CDC42BPB: variants seen among roughly 807,000 people sequenced by gnomAD.
CDC42BPB encodes the protein CDC42 binding protein kinase beta.
Under a neutral mutation model 214.9 loss-of-function variants are expected in CDC42BPB, and 37 were observed. The ratio of observed to expected loss-of-function variants is 0.17; its 90% CI spans 0.13 to 0.23. The LOEUF (loss-of-function observed/expected upper bound fraction) is 0.23, where lower values mean the gene tolerates loss of function less well. Ranked by LOEUF, CDC42BPB falls within the 10% of genes least tolerant of loss-of-function variation. The pLI is 1.00. For missense variants in CDC42BPB, 1,694 were observed against 2,227.0 expected (o/e 0.76, Z 4.82); for synonymous variants, 931 against 884.0 (o/e 1.05, Z -0.94).
intron 32 of CDC42BPB, 21 bp from the exon 33 acceptor site, chr14:102,939,968 G>T: frequency 1.9e-6 from 3 of 1,613,798 alleles, no homozygotes; most frequent in South Asian, 2.2e-5. Context: ...AGAGCGCGCG[G>T]TGACGGTGCT....
chr14:102,992,110 G>T (rs1039880546), intron 5 of CDC42BPB, among the ~76,000 whole-genome samples: 3 of 152,156 alleles, frequency 2.0e-5, no homozygotes, highest in African/African-American at 7.2e-5. Flanking sequence ...CTGTGGGGGG[G>T]ATGAGGGGTG....
intron 4 of CDC42BPB, among the ~76,000 whole-genome samples, chr14:103,000,346 C>T (rs989258148): frequency 2.0e-5 from 3 of 152,210 alleles, no homozygotes; most frequent in Non-Finnish European, 2.9e-5. Context: ...TGGGAGTGGG[C>T]GACCCCGAGG....
In CDC42BPB at chr14:102,949,849, C is replaced by T; in HGVS notation, c.3365G>A (p.Cys1122Tyr). The T allele has an allele frequency of 6.2e-7, 1 of 1,613,670 alleles. No homozygotes were observed. Residue 1122 changes from cysteine to tyrosine, a missense_variant, in exon 26 of 37, where the codon TGT (cysteine) becomes TAT (tyrosine). Around this residue, in one of 7 missense-constraint regions of CDC42BPB, gnomAD observed 567 missense variants for 790.3 expected, o/e 0.72. Transcript: ENST00000361246. ...ATCATACAGGAAGAGCTTGCAGTCA[C>T]AGACGACTGCATATGCGCGCTGCCA... Reference protein sequence around the residue: ...KGWQRAYAVVCDCKLFLYDLP... With the variant: ...KGWQRAYAVVYDCKLFLYDLP...
rs1018188084 is a variant in CDC42BPB at position 103,024,991 on chromosome 14, G to C, written c.176-12803C>G. On this transcript the variant is annotated intron_variant, in intron 1 of 36. Transcript: ENST00000361246. The stretch of plus-strand genomic sequence containing the variant: ...AAAATTAACTCCACTCATTTTTCTT[G>C]TTGCTCTTAACTTAATCTAGTAGAC... Among the ~76,000 whole-genome samples the C allele has an allele frequency of 3.3e-5, 5 of 152,030 alleles. No homozygotes were observed. In the East Asian group the frequency reaches 9.6e-4, roughly 29 times the overall value.
At chr14:103,054,143 C>T (rs1888809249) in intron 1 of CDC42BPB, among the ~76,000 whole-genome samples, 1 of 152,176 alleles carries the variant, frequency 6.6e-6, no homozygotes, top group African/African-American at 2.4e-5. Flanking sequence ...GGATTACAGG[C>T]ATGAGCCACT....
chr14:103,008,390 C>T, intron 3 of CDC42BPB, 82 bp downstream of exon 3: 1 of 916,156 alleles, frequency 1.1e-6, no homozygotes, highest in Non-Finnish European at 1.8e-6. Flanking sequence ...GGGGTGGCTG[C>T]AGCTTTTCCC....
intron 34 of CDC42BPB, 126 bp downstream of exon 34, chr14:102,939,484 G>A (rs558066731): frequency 2.3e-5 from 16 of 695,796 alleles, no homozygotes; most frequent in South Asian, 1.5e-4. Context: ...TGACAGGAGC[G>A]CCAGGTCAGA....
chr14:102,967,567 C>G (rs1566865789), intron 16 of CDC42BPB, among the ~76,000 whole-genome samples: 2 of 152,242 alleles, frequency 1.3e-5, no homozygotes, highest in African/African-American at 4.8e-5. Context: ...GACGGTGCGG[C>G]TGCCGCACAC....
At chr14:102,966,515 G>C (rs1416692770) in intron 17 of CDC42BPB, 128 bp from the exon 18 acceptor site, 4 of 1,478,272 alleles carry the variant, frequency 2.7e-6, no homozygotes, top group Admixed American at 2.2e-5. Context: ...AGTGCCCGCA[G>C]TGTACCCGTT....
At chr14:102,991,174 TCAC>T (rs963938336) in intron 5 of CDC42BPB, among the ~76,000 whole-genome samples, 21 of 152,234 alleles carry the variant, frequency 1.4e-4, no homozygotes, top group African/African-American at 5.1e-4. Context: ...GATGGGTTTA[TCAC>T]CACCAAGGGG....
At position 102,943,015 on chromosome 14, in the gene CDC42BPB, C is replaced by T. The variant is rs1484445125; in HGVS notation, c.4408+876G>A. Reference sequence around the variant, plus strand: ...TCCTGAGTAGCTGGGACTACAGGCGCCCGCCACCACGCCCGGCTAATTTTT... The same window carrying T: ...TCCTGAGTAGCTGGGACTACAGGCGTCCGCCACCACGCCCGGCTAATTTTT... On this transcript the variant is annotated intron_variant, in intron 30 of 36. Coordinates refer to ENST00000361246, the MANE Select transcript of CDC42BPB (RefSeq NM_006035.4). The surrounding 1 kb of genome is among the most constrained non-coding windows in gnomAD (Gnocchi z 4.6). 1.3e-5 allele frequency among the ~76,000 whole-genome samples: 2 copies of T among 152,136 alleles called. No homozygotes were observed. Among genetic ancestry groups the T allele is most frequent in the Non-Finnish European group, 2.9e-5 (2 of 68,022 alleles).
Position 103,004,136 on chromosome 14 carries a change from C to T in CDC42BPB, c.352-113G>A. ...GTGGCTCCAGCCACGGTGTCCCTGC[C>T]TTCCGGGCTCCTCCTCGTGCACCAC... On this transcript the variant is annotated intron_variant, in intron 3 of 36. Transcript: ENST00000361246. This position sits in a 1 kb window ranked among gnomAD's most constrained non-coding sequence, Gnocchi z 5.3. 7.1e-7 allele frequency: 1 copy of T among 1,409,936 alleles called. No individual in the cohort carries two copies. The highest frequency in any genetic ancestry group is 9.3e-7 in the Non-Finnish European group (1 of 1,076,988). 87.3% of individuals were successfully genotyped at this position (1,409,936 alleles called of 1,614,324 possible).
chr14:103,039,924 A>C (rs1394470148), intron 1 of CDC42BPB, among the ~76,000 whole-genome samples: 2 of 152,226 alleles, frequency 1.3e-5, no homozygotes, highest in Non-Finnish European at 2.9e-5. Context: ...AAACTAATTA[A>C]AAAGTTCAGC....
intron 30 of CDC42BPB, among the ~76,000 whole-genome samples, chr14:102,941,972 G>A (rs1024194295): frequency 2.0e-5 from 3 of 152,240 alleles, no homozygotes; most frequent in Admixed American, 1.3e-4. Context: ...CCACCAAGGC[G>A]GAGAACCGAG....
chr14:103,053,277 G>A (rs367775122), intron 1 of CDC42BPB, among the ~76,000 whole-genome samples: 4 of 152,022 alleles, frequency 2.6e-5, no homozygotes, highest in African/African-American at 9.7e-5. Flanking sequence ...AACCCGGGAG[G>A]CGGAGGTTGC....
At chr14:103,027,691 T>C (rs1369566331) in intron 1 of CDC42BPB, among the ~76,000 whole-genome samples, 2 of 152,148 alleles carry the variant, frequency 1.3e-5, no homozygotes, top group African/African-American at 4.8e-5. Flanking sequence ...AAAAAGTATA[T>C]TAGTGGTTGC....
At chr14:102,957,050 A>T (rs951588814) in intron 21 of CDC42BPB, among the ~76,000 whole-genome samples, 2 of 144,890 alleles carry the variant, frequency 1.4e-5, no homozygotes, top group African/African-American at 2.7e-5. Flanking sequence ...AAAAAAAAAA[A>T]ATTAGCCGGG....
At chr14:102,992,213 C>T (rs184606035) in intron 5 of CDC42BPB, among the ~76,000 whole-genome samples, 1 of 152,310 alleles carries the variant, frequency 6.6e-6, no homozygotes, top group African/African-American at 2.4e-5. Flanking sequence ...CACTGAGTTG[C>T]ACCCCTCGGT....
chr14:102,937,719 G>C (rs1891704077), intron 36 of CDC42BPB, among the ~76,000 whole-genome samples: 1 of 152,266 alleles, frequency 6.6e-6, no homozygotes, highest in South Asian at 2.1e-4. Flanking sequence ...CATCCCAAGG[G>C]AGGGGCAGAC....
Sources: gnomAD v4.1 joint callset for allele counts (sites outside exome capture counted in the v4.1 genomes callset) on GRCh38, gnomAD v4.1.1 for gene constraint, gnomAD v4.1.1 regional missense constraint, Gnocchi (gnomAD v3.1) non-coding constraint, MANE v1.5 for transcripts, NCBI Gene and HGNC (gene_info 2026-07-23, HGNC 2026-07-21) for gene names.